Variants in SNTG1 observed in about 807,000 individuals in gnomAD.
SNTG1 encodes gamma-1-syntrophin.
Under a neutral mutation model 74.7 loss-of-function variants are expected in SNTG1, and 39 were observed. The ratio of observed to expected loss-of-function variants is 0.52; its 90% CI spans 0.40 to 0.68. SNTG1 has a LOEUF of 0.68. SNTG1 is among the 30% of genes least tolerant of loss of function. The pLI is 0.00. For synonymous variants in SNTG1, 254 were observed against 217.1 expected, an observed-to-expected ratio of 1.17 and a Z score of -1.49; for missense variants, 685 against 609.5, an observed-to-expected ratio of 1.12 and a Z score of -1.30.
At chr8:50,318,937 T>C (rs2090421265) in intron 2 of SNTG1, among the ~76,000 whole-genome samples, 1 of 151,950 alleles carries the variant, frequency 6.6e-6, no homozygotes, top group Non-Finnish European at 1.5e-5. Context: ...CATATATGTG[T>C]TCTACCTGTG....
chr8:50,450,476 A>G lies in SNTG1; in HGVS notation c.278-80A>G, dbSNP rs1264104646. ...CTTAATTTTTATATTTGTAAATTTT[A>G]CCTTTATTTAATTAAAAGTCCTTTC... On this transcript the variant is annotated intron_variant, in intron 6 of 18. Coordinates refer to ENST00000642720, the MANE Select transcript of SNTG1 (RefSeq NM_018967.5). The G allele has an allele frequency of 3.6e-6, 5 of 1,404,844 alleles. No individual in the cohort carries two copies. The East Asian group carries it at 1.2e-4, about 33-fold the overall frequency. 87.0% of individuals were successfully genotyped at this position (1,404,844 alleles called of 1,614,324 possible).
intron 2 of SNTG1, among the ~76,000 whole-genome samples, chr8:50,290,995 C>T (rs1274499478): frequency 3.3e-5 from 5 of 152,090 alleles, no homozygotes; most frequent in Non-Finnish European, 7.3e-5. Flanking sequence ...TGAACTCAAG[C>T]GATGCCTATC....
intron 4 of SNTG1, among the ~76,000 whole-genome samples, chr8:50,429,058 T>C (rs545264045): frequency 5.8e-4 from 88 of 151,780 alleles, no homozygotes; most frequent in African/African-American, 2.0e-3. Flanking sequence ...TTGTTTATAT[T>C]ATCATAATAA....
At chr8:50,149,541 T>A in intron 1 of SNTG1, among the ~76,000 whole-genome samples, 1 of 152,240 alleles carries the variant, frequency 6.6e-6, no homozygotes, top group Non-Finnish European at 1.5e-5. Context: ...CATTTAAGTC[T>A]TCAATCCATC....
intron 2 of SNTG1, among the ~76,000 whole-genome samples, chr8:50,344,963 C>T (rs1020434021): frequency 3.3e-5 from 5 of 152,088 alleles, no homozygotes; most frequent in African/African-American, 1.2e-4. Flanking sequence ...AAAAGAATAG[C>T]AGGGGTGCAC....
At chr8:50,429,499 T>C (rs1563374472) in intron 4 of SNTG1, among the ~76,000 whole-genome samples, 1 of 152,180 alleles carries the variant, frequency 6.6e-6, no homozygotes, top group Non-Finnish European at 1.5e-5. Flanking sequence ...GCATGAAAAA[T>C]CTAAATTTAA....
At chr8:50,271,723 C>A (rs913129605) in intron 2 of SNTG1, among the ~76,000 whole-genome samples, 4 of 152,068 alleles carry the variant, frequency 2.6e-5, no homozygotes, top group Non-Finnish European at 5.9e-5. Flanking sequence ...CCTGAAAATT[C>A]CATTACTAAG....
Position 50,579,039 on chromosome 8 carries a change from G to A in SNTG1, c.811-11840G>A, listed in dbSNP as rs560997645. ...GTAGGAAAGTTTGGAACTTCCTAGAGACTTAGAGGGCTCAGAAGACAGAAA... is the reference window on the plus strand; with the variant it reads ...GTAGGAAAGTTTGGAACTTCCTAGAAACTTAGAGGGCTCAGAAGACAGAAA... On this transcript the variant is annotated intron_variant, in intron 12 of 18. Coordinates refer to ENST00000642720, the MANE Select transcript of SNTG1 (RefSeq NM_018967.5). 2.9e-3 allele frequency among the ~76,000 whole-genome samples: 437 copies of A among 152,266 alleles called. 3 individuals are homozygous for A. Among genetic ancestry groups the A allele is most frequent in the South Asian group, 0.016 (79 of 4,818 alleles).
chr8:50,518,958 G>A (rs929968951), intron 9 of SNTG1, among the ~76,000 whole-genome samples: 2 of 152,054 alleles, frequency 1.3e-5, no homozygotes, highest in African/African-American at 4.8e-5. Context: ...ATTTTATGAG[G>A]CCATTATCAT....
At chr8:50,007,785 A>G (rs1815382607) in intron 1 of SNTG1, among the ~76,000 whole-genome samples, 1 of 152,130 alleles carries the variant, frequency 6.6e-6, no homozygotes, top group Admixed American at 6.5e-5. Context: ...TCACACCGCT[A>G]TAAAGAACTA....
chr8:50,396,944 T>A (rs140698041), intron 3 of SNTG1, among the ~76,000 whole-genome samples: 70 of 152,328 alleles, frequency 4.6e-4, no homozygotes, highest in African/African-American at 1.4e-3. Context: ...TTCATAAACA[T>A]TTTCTTGATT....
At chr8:50,323,869 C>G (rs1193526775) in intron 2 of SNTG1, among the ~76,000 whole-genome samples, 1 of 152,134 alleles carries the variant, frequency 6.6e-6, no homozygotes, top group Non-Finnish European at 1.5e-5. Flanking sequence ...AAAACTTTAA[C>G]AATTTACCAG....
chr8:50,639,058 T>C (rs1348300436), intron 13 of SNTG1, among the ~76,000 whole-genome samples: 1 of 152,054 alleles, frequency 6.6e-6, no homozygotes, highest in Admixed American at 6.6e-5. Context: ...TCATTTTAAT[T>C]GTATAATAAC....
intron 10 of SNTG1, among the ~76,000 whole-genome samples, chr8:50,532,169 T>G (rs2130344138): frequency 6.6e-6 from 1 of 152,286 alleles, no homozygotes; most frequent in East Asian, 1.9e-4. Context: ...CTTTTGACAT[T>G]GCTGAAGATA....
intron 8 of SNTG1, among the ~76,000 whole-genome samples, chr8:50,466,713 C>T (rs1463460615): frequency 6.6e-6 from 1 of 151,922 alleles, no homozygotes; most frequent in Non-Finnish European, 1.5e-5. Context: ...ATCAGCAGAG[C>T]TTTGTAGTTT....
intron 2 of SNTG1, among the ~76,000 whole-genome samples, chr8:50,259,498 C>A (rs72640784): frequency 0.46 from 8,356 of 18,168 alleles, 2,044 homozygotes; most frequent in East Asian, 0.8. Flanking sequence ...GACGCTGTCT[C>A]AAAAAAAAAA....
At chr8:50,659,087 A>G (rs985812170) in intron 15 of SNTG1, among the ~76,000 whole-genome samples, 1 of 152,212 alleles carries the variant, frequency 6.6e-6, no homozygotes, top group African/African-American at 2.4e-5. Flanking sequence ...AGAAAATATC[A>G]GGAAAAATGC....
intron 12 of SNTG1, among the ~76,000 whole-genome samples, chr8:50,563,236 A>G (rs2094498064): frequency 6.6e-6 from 1 of 152,188 alleles, no homozygotes. Context: ...AGTACTTAAC[A>G]CAGCCCATAT....
chr8:50,549,892 C>A (rs2094413911), intron 11 of SNTG1, among the ~76,000 whole-genome samples: 1 of 152,088 alleles, frequency 6.6e-6, no homozygotes, highest in Admixed American at 6.6e-5. Flanking sequence ...TTTTAAAAAG[C>A]AGTTATTGAA....
Sources: gnomAD v4.1 joint callset for allele counts (sites outside exome capture counted in the v4.1 genomes callset) on GRCh38, gnomAD v4.1.1 for gene constraint, MANE v1.5 for transcripts, NCBI Gene and HGNC (gene_info 2026-07-23, HGNC 2026-07-21) for gene names.